The following TBC1D5 variants were observed in gnomAD, a reference collection of about 807,000 sequenced individuals.
TBC1D5 encodes TBC1 domain family member 5.
A neutral mutation model predicts 100.3 loss-of-function variants in TBC1D5; 75 were observed. The observed-to-expected ratio is 0.75, with a 90% confidence interval of 0.62 to 0.91. The LOEUF is 0.91. Ranked by LOEUF, TBC1D5 falls within the 40% of genes least tolerant of loss-of-function variation. The pLI, the probability that TBC1D5 is intolerant of heterozygous loss-of-function variation, is 0.00. For missense variants in TBC1D5, 910 were observed against 942.4 expected, an observed-to-expected ratio of 0.97 and a Z score of 0.45; for synonymous variants, 323 against 325.6, an observed-to-expected ratio of 0.99 and a Z score of 0.09.
chr3:17,461,030 A>C (rs2095197552), intron 3 of TBC1D5, among the ~76,000 whole-genome samples: 2 of 152,220 alleles, frequency 1.3e-5, no homozygotes, highest in South Asian at 4.1e-4. Context: ...TGGATTATGC[A>C]CCACAATATG....
chr3:17,736,125 T>A lies in TBC1D5; in HGVS notation c.-101+3218A>T, dbSNP rs139046015. 9.0e-3 allele frequency among the ~76,000 whole-genome samples: 1,365 copies of A among 152,308 alleles called. 10 individuals carry two copies. Among genetic ancestry groups the A allele is most frequent in the Non-Finnish European group, 0.015 (1,039 of 68,034 alleles). ...TATGAGCTGAGTTACAAGCCCTGTG[T>A]TTAAAGGCAGATGCAGTCACCTTCC... On this transcript the variant is annotated intron_variant, in intron 1 of 21. Coordinates refer to ENST00000253692, the Ensembl canonical transcript of TBC1D5.
chr3:17,497,407 G>C (rs979168396), intron 3 of TBC1D5, among the ~76,000 whole-genome samples: 2 of 152,168 alleles, frequency 1.3e-5, no homozygotes, highest in African/African-American at 4.8e-5. Context: ...TCTATTCCCA[G>C]ATACTGGATG....
At chr3:17,676,659 T>G (rs2068676899) in intron 1 of TBC1D5, among the ~76,000 whole-genome samples, 1 of 152,080 alleles carries the variant, frequency 6.6e-6, no homozygotes, top group East Asian at 1.9e-4. Flanking sequence ...TACTTTAAAG[T>G]TCATATGGAA....
At chr3:17,532,204 A>G (rs923684335) in intron 2 of TBC1D5, among the ~76,000 whole-genome samples, 1 of 152,254 alleles carries the variant, frequency 6.6e-6, no homozygotes, top group African/African-American at 2.4e-5. Context: ...TCAAAAGAAG[A>G]CATTTATGCA....
chr3:17,196,978 C>T (rs1024524619), intron 18 of TBC1D5, among the ~76,000 whole-genome samples: 1 of 152,196 alleles, frequency 6.6e-6, no homozygotes, highest in African/African-American at 2.4e-5. Context: ...GAAAACTCCA[C>T]ATAGATGAAC....
intron 2 of TBC1D5, among the ~76,000 whole-genome samples, chr3:17,544,546 G>A (rs1187965991): frequency 1.3e-5 from 2 of 151,574 alleles, no homozygotes; most frequent in Non-Finnish European, 2.9e-5. Context: ...AGCTACTCAG[G>A]AGACTGAGAC....
intron 8 of TBC1D5, among the ~76,000 whole-genome samples, chr3:17,399,823 T>C (rs1383450671): frequency 6.6e-6 from 1 of 152,132 alleles, no homozygotes; most frequent in African/African-American, 2.4e-5. Context: ...CTCATTTTCA[T>C]TGAGAAACTA....
chr3:17,194,654 A>G (rs2070407298), intron 18 of TBC1D5, among the ~76,000 whole-genome samples: 1 of 152,248 alleles, frequency 6.6e-6, no homozygotes, highest in African/African-American at 2.4e-5. Context: ...AAATACTTCC[A>G]TAATTCATGG....
chr3:17,667,867 A>ATTTTT (rs954259814), intron 1 of TBC1D5, among the ~76,000 whole-genome samples: 2 of 150,852 alleles, frequency 1.3e-5, no homozygotes, highest in Admixed American at 6.6e-5. Context: ...GATTAGTCTG[A>ATTTTT]TTTTTTTTTC....
chr3:17,258,555 T>C (rs1315509314), exon 16 of TBC1D5: 3 of 1,612,786 alleles, frequency 1.9e-6, no homozygotes, highest in Non-Finnish European at 2.5e-6. Flanking sequence ...TAATCTAAAT[T>C]TGGATGGAAT....
intron 1 of TBC1D5, among the ~76,000 whole-genome samples, chr3:17,632,822 T>C (rs951069635): frequency 6.6e-6 from 1 of 152,208 alleles, no homozygotes; most frequent in African/African-American, 2.4e-5. Flanking sequence ...TATAATATAG[T>C]GTAAACATGA....
At chr3:17,428,573 T>C (rs1207584494) in intron 3 of TBC1D5, 54 bp from the exon 4 acceptor site, 5 of 1,008,960 alleles carry the variant, frequency 5.0e-6, no homozygotes, top group South Asian at 2.1e-5. Context: ...AATATTTCAG[T>C]TGAAAAACTG....
chr3:17,382,417 T>A (rs908123972), intron 9 of TBC1D5, among the ~76,000 whole-genome samples: 15 of 151,876 alleles, frequency 9.9e-5, no homozygotes, highest in East Asian at 7.7e-4. Context: ...TCCAGTTTTT[T>A]AAAAAAAACA....
chr3:17,267,338 T>C (rs1362306069), intron 15 of TBC1D5, among the ~76,000 whole-genome samples: 1 of 152,054 alleles, frequency 6.6e-6, no homozygotes, highest in Non-Finnish European at 1.5e-5. Flanking sequence ...TGGTTGGCTC[T>C]TTTCAGTAGT....
At chr3:17,709,923 C>G (rs1404177460) in intron 1 of TBC1D5, among the ~76,000 whole-genome samples, 1 of 152,096 alleles carries the variant, frequency 6.6e-6, no homozygotes, top group Admixed American at 6.5e-5. Context: ...CGGCACTACA[C>G]CCCACGGCCA....
intron 4 of TBC1D5, among the ~76,000 whole-genome samples, chr3:17,414,954 G>C (rs1427343775): frequency 6.6e-6 from 1 of 152,100 alleles, no homozygotes. Context: ...GTTATCATAT[G>C]ATAAGGCTCC....
intron 2 of TBC1D5, among the ~76,000 whole-genome samples, chr3:17,510,255 C>G (rs539401349): frequency 6.6e-6 from 1 of 152,078 alleles, no homozygotes; most frequent in African/African-American, 2.4e-5. Flanking sequence ...GCTCCTCTAT[C>G]CTATTTACTT....
chr3:17,192,349 T>C (rs2070046236), intron 18 of TBC1D5, among the ~76,000 whole-genome samples: 1 of 151,752 alleles, frequency 6.6e-6, no homozygotes, highest in Non-Finnish European at 1.5e-5. Flanking sequence ...GAGAAACTTC[T>C]ATGAAATAAA....
intron 1 of TBC1D5, among the ~76,000 whole-genome samples, chr3:17,713,851 CA>C (rs1448714766): frequency 5.9e-5 from 9 of 152,024 alleles, no homozygotes; most frequent in African/African-American, 1.9e-4. Flanking sequence ...AGCAAAATGG[CA>C]AAGTAGGGAG....
Sources: allele counts gnomAD v4.1 joint callset (sites outside exome capture counted in the v4.1 genomes callset), GRCh38; gene constraint gnomAD v4.1.1; transcripts MANE v1.5; gene names NCBI Gene and HGNC (gene_info 2026-07-23, HGNC 2026-07-21).